Variants in KAT6B observed in about 807,000 individuals in gnomAD.
KAT6B encodes the protein histone acetyltransferase KAT6B.
In KAT6B, 10 loss-of-function variants were observed where a neutral mutation model predicts 187.5. The observed-to-expected ratio is 0.05, with a 90% CI of 0.03 to 0.09. The LOEUF (loss-of-function observed/expected upper bound fraction) is 0.09, where lower values mean the gene tolerates loss of function less well. Among genes scored for constraint, KAT6B ranks in the 10% least tolerant of loss-of-function variants. The pLI, the probability that KAT6B is intolerant of heterozygous loss-of-function variation, is 1.00. For synonymous variants in KAT6B, 861 were observed against 926.8 expected, an observed-to-expected ratio of 0.93 and a Z score of 1.29; for missense variants, 1,952 against 2,558.9, an observed-to-expected ratio of 0.76 and a Z score of 5.12.
chr10:74,921,580 A>G (rs1196239356), intron 3 of KAT6B, among the ~76,000 whole-genome samples: 1 of 152,156 alleles, frequency 6.6e-6, no homozygotes, highest in Non-Finnish European at 1.5e-5. Context: ...ATCTTTAATT[A>G]ACATGCATTG....
At chr10:74,991,713 A>C (rs1843133833) in intron 13 of KAT6B, among the ~76,000 whole-genome samples, 1 of 152,192 alleles carries the variant, frequency 6.6e-6, no homozygotes. Context: ...AATAAAGTTG[A>C]AGAGACTGGT....
chr10:74,864,775 A>C (rs1843438909), intron 3 of KAT6B, among the ~76,000 whole-genome samples: 1 of 152,136 alleles, frequency 6.6e-6, no homozygotes, highest in Admixed American at 6.5e-5. Flanking sequence ...CTGTATATAA[A>C]GTAAAGAGTA....
rs1340363063 is a variant in KAT6B, at chr10:74,942,764, G to C, written c.622-17206G>C. On this transcript the variant is annotated intron_variant, in intron 3 of 17. Coordinates refer to ENST00000287239, the MANE Select transcript of KAT6B (RefSeq NM_012330.4). ...TAGGCAACAAGAGCGAAACTCCATC[G>C]CAAAAAAAAAAAAAAAAAAAAAAAA... is the stretch of plus-strand genomic sequence containing the variant. Among the ~76,000 whole-genome samples the C allele has an allele frequency of 4.1e-4, 5 of 12,230 alleles. No individual in the cohort carries two copies. The East Asian group carries it at 0.02, about 48-fold the overall frequency. 8.0% of individuals were successfully genotyped at this position (12,230 alleles called of 152,430 possible). A position where few individuals can be genotyped will look rare whatever the true frequency, so the allele number is the denominator to read the frequency against.
At chr10:75,014,255 G>A (rs1408357995) in intron 13 of KAT6B, among the ~76,000 whole-genome samples, 4 of 152,074 alleles carry the variant, frequency 2.6e-5, no homozygotes, top group African/African-American at 2.4e-5. Context: ...TGGGAGGATC[G>A]CTTGAGCCTG....
intron 4 of KAT6B, among the ~76,000 whole-genome samples, chr10:74,965,971 G>A (rs545570029): frequency 1.4e-3 from 216 of 151,206 alleles, no homozygotes; most frequent in Middle Eastern, 3.4e-3. Context: ...TCCTGACCTC[G>A]TGATCCACCC....
intron 1 of KAT6B, 71 bp from the exon 2 acceptor site, chr10:74,838,612 A>C (rs547731300): frequency 6.6e-6 from 1 of 152,320 alleles, no homozygotes; most frequent in South Asian, 2.1e-4. Flanking sequence ...GGTTGTGGAG[A>C]TACACGGATG....
chr10:74,825,655 T>C (rs904835446), upstream of KAT6B: 2 of 153,624 alleles, frequency 1.3e-5, no homozygotes, highest in African/African-American at 2.4e-5. This position sits in a 1 kb window ranked among gnomAD's most constrained non-coding sequence, Gnocchi z 5.0. Flanking sequence ...CAGCGAGCGA[T>C]TGGCCGGGCT....
intron 3 of KAT6B, among the ~76,000 whole-genome samples, chr10:74,874,367 T>C (rs1844239806): frequency 1.3e-5 from 2 of 152,144 alleles, no homozygotes; most frequent in South Asian, 4.1e-4. Context: ...TTTTCTTAGT[T>C]GATTTTTCTT....
At chr10:74,826,002 G>A (rs944358834), upstream of KAT6B, among the ~76,000 whole-genome samples, 3 of 151,876 alleles carry the variant, frequency 2.0e-5, no homozygotes, top group Non-Finnish European at 4.4e-5. Context: ...CACCGAAGGA[G>A]CTGGCGACTG....
At chr10:74,972,788 G>A in intron 7 of KAT6B, 149 bp downstream of exon 7, 1 of 774,902 alleles carries the variant, frequency 1.3e-6, no homozygotes, top group Non-Finnish European at 2.1e-6. Context: ...CATAAGCTGT[G>A]GAAATTTTTT....
chr10:74,872,110 G>A (rs1198920197), intron 3 of KAT6B, among the ~76,000 whole-genome samples: 2 of 152,160 alleles, frequency 1.3e-5, no homozygotes, highest in Non-Finnish European at 2.9e-5. Context: ...GAAATGCCCG[G>A]CATTGTGTCT....
Position 74,960,014 on chromosome 10 carries a change from T to G in KAT6B, c.666T>G (p.Thr222=), listed in dbSNP as rs1184319667. Residue 222 remains threonine, a synonymous_variant, in exon 4 of 18, where the codon ACT becomes ACG. Coordinates refer to ENST00000287239, the MANE Select transcript of KAT6B (RefSeq NM_012330.4). ...PIPICSFCLG[T]KESNREKKPE... is the part of the protein sequence containing the mutation. ...CAATATGTAGCTTCTGTTTGGGGAC[T>G]AAAGAATCAAATCGTGAAAAGAAAC... 1.2e-6 allele frequency: 2 copies of G among 1,613,746 alleles called. No individual in the cohort carries two copies. Among genetic ancestry groups the G allele is most frequent in the Non-Finnish European group, 1.7e-6 (2 of 1,179,660 alleles).
Position 74,981,903 on chromosome 10 carries a change from G to T in KAT6B, c.2348G>T (p.Arg783Leu), listed in dbSNP as rs1405330923. 1 of 1,613,788 alleles carries T rather than the reference G, an allele frequency of 6.2e-7. No homozygotes were observed. The highest frequency in any genetic ancestry group is 2.2e-5 in the East Asian group (1 of 44,852). Residue 783 changes from arginine (R) to leucine (L), a missense_variant, in exon 11 of 18, where the codon CGA becomes CTA. Around this residue, in one of 9 missense-constraint regions of KAT6B, gnomAD observed 87 missense variants for 191.8 expected, o/e 0.45. Coordinates refer to ENST00000287239, the MANE Select transcript of KAT6B (RefSeq NM_012330.4). ...CATCCTCCAGCAAATGAAATTTACC[G>T]AAGGAAAGACCTTTCAGTATTTGAG... ...WFHPPANEIYRRKDLSVFEVD... is the reference protein window; with the variant it reads ...WFHPPANEIYLRKDLSVFEVD...
intron 12 of KAT6B, among the ~76,000 whole-genome samples, chr10:74,985,771 G>A (rs1564606597): frequency 1.3e-5 from 2 of 152,138 alleles, no homozygotes; most frequent in Admixed American, 1.3e-4. Flanking sequence ...TATCAGCCGG[G>A]CTCAGTGGCT....
chr10:74,954,098 C>T (rs1167518175), intron 3 of KAT6B, among the ~76,000 whole-genome samples: 1 of 152,108 alleles, frequency 6.6e-6, no homozygotes, highest in Non-Finnish European at 1.5e-5. Context: ...TGAAGAGTCC[C>T]AGATCCCCAA....
chr10:74,831,909 C>T (rs1396543929), intron 1 of KAT6B, among the ~76,000 whole-genome samples: 1 of 152,238 alleles, frequency 6.6e-6, no homozygotes, highest in East Asian at 1.9e-4. Context: ...ATCCCTGACT[C>T]TGATACTTCC....
At chr10:74,833,125 ACT>A (rs1390086425) in intron 1 of KAT6B, among the ~76,000 whole-genome samples, 12 of 124,408 alleles carry the variant, frequency 9.6e-5, no homozygotes, top group Admixed American at 5.9e-4. Context: ...ACAGGGCAAG[ACT>A]CTGTCTCAAA....
chr10:74,921,313 C>G (rs1170391080), intron 3 of KAT6B, among the ~76,000 whole-genome samples: 2 of 152,090 alleles, frequency 1.3e-5, no homozygotes, highest in African/African-American at 4.8e-5. Context: ...AAGATTTTAT[C>G]ATGTTGGCCA....
At chr10:74,984,927 T>C in intron 11 of KAT6B, 153 bp from the exon 12 acceptor site, 1 of 711,500 alleles carries the variant, frequency 1.4e-6, no homozygotes, top group South Asian at 1.7e-5. Flanking sequence ...TGTTTTCTGG[T>C]TAAAGCTGTA....
Sources: allele counts gnomAD v4.1 joint callset (sites outside exome capture counted in the v4.1 genomes callset), GRCh38; gene constraint gnomAD v4.1.1; regional missense constraint gnomAD v4.1.1; non-coding constraint Gnocchi (gnomAD v3.1); transcripts MANE v1.5; gene names NCBI Gene and HGNC (gene_info 2026-07-23, HGNC 2026-07-21).